RBPJ: variants seen among roughly 807,000 people sequenced by gnomAD.
RBPJ encodes recombination signal binding protein for immunoglobulin kappa J region, also known as recombining binding protein suppressor of hairless.
A neutral mutation model predicts 67.8 loss-of-function variants in RBPJ; 9 were observed. The ratio of observed to expected loss-of-function variants is 0.13; its 90% CI spans 0.08 to 0.23. The LOEUF (loss-of-function observed/expected upper bound fraction) is 0.23. Among genes scored for constraint, RBPJ ranks in the 10% least tolerant of loss-of-function variants. The pLI is 1.00. For missense variants in RBPJ, 305 were observed against 595.6 expected (o/e 0.51, Z 5.08); for synonymous variants, 198 against 203.3 (o/e 0.97, Z 0.22).
intron 1 of RBPJ, among the ~76,000 whole-genome samples, chr4:26,291,943 C>A (rs1396702448): frequency 6.6e-6 from 1 of 150,654 alleles, no homozygotes; most frequent in Non-Finnish European, 1.5e-5. Flanking sequence ...GTATACTTGA[C>A]AAATAAAACC....
At chr4:26,244,099 C>T (rs1719740510) in intron 1 of RBPJ, among the ~76,000 whole-genome samples, 1 of 137,020 alleles carries the variant, frequency 7.3e-6, no homozygotes, top group Admixed American at 7.3e-5. Context: ...GACCCTGTCT[C>T]AAAAAAAAAG....
In RBPJ at chr4:26,431,101, G is replaced by T; in HGVS notation, c.*94G>T. 8.7e-7 allele frequency: 1 copy of T among 1,147,462 alleles called. No homozygotes were observed. Among genetic ancestry groups the T allele is most frequent in the African/African-American group, 1.6e-5 (1 of 61,780 alleles). 71.1% of individuals were successfully genotyped at this position (1,147,462 alleles called of 1,614,324 possible). ...ATGAACAATCGTTTGTGGTTTCTTGGGAAAACTTTTCATACCAGGTGATAC... is the reference window on the plus strand; with the variant it reads ...ATGAACAATCGTTTGTGGTTTCTTGTGAAAACTTTTCATACCAGGTGATAC... On this transcript the variant is annotated 3_prime_UTR_variant, in exon 11 of 11. Transcript: ENST00000355476.
intron 1 of RBPJ, among the ~76,000 whole-genome samples, chr4:26,234,557 T>G (rs1024749776): frequency 1.3e-5 from 2 of 152,226 alleles, no homozygotes; most frequent in Non-Finnish European, 2.9e-5. Context: ...AGAACTTCCC[T>G]GGCCACTCTC....
At chr4:26,111,367 G>A in the RBPJ span, among the ~76,000 whole-genome samples, 1 of 152,088 alleles carries the variant, frequency 6.6e-6, no homozygotes, top group African/African-American at 2.4e-5. Flanking sequence ...TCTATATAGT[G>A]GGCACAGAAA....
intron 1 of RBPJ, among the ~76,000 whole-genome samples, chr4:26,221,264 G>T (rs1282587644): frequency 6.6e-6 from 1 of 152,054 alleles, no homozygotes; most frequent in East Asian, 1.9e-4. Context: ...CTAATTTTTT[G>T]TATTTTTAGT....
intron 1 of RBPJ, among the ~76,000 whole-genome samples, chr4:26,210,752 CTTCTTTCTTTCTTTCT>C (rs762128862): frequency 1.1e-4 from 5 of 47,334 alleles, no homozygotes; most frequent in Admixed American, 8.1e-4. Context: ...TCCTTCTTTC[CTTCTTTCTTTCTTTCT>C]TTCTTTCTTT....
intron 1 of RBPJ, among the ~76,000 whole-genome samples, chr4:26,279,883 G>T (rs10019683): frequency 6.6e-6 from 1 of 150,938 alleles, no homozygotes; most frequent in African/African-American, 2.4e-5. Flanking sequence ...GACTTCTTGG[G>T]CTCAACCAAT....
At chr4:26,143,064 A>G in the RBPJ span, among the ~76,000 whole-genome samples, 1 of 152,230 alleles carries the variant, frequency 6.6e-6, no homozygotes, top group African/African-American at 2.4e-5. Flanking sequence ...TTATAGGCGT[A>G]GCATTTCACT....
intron 1 of RBPJ, among the ~76,000 whole-genome samples, chr4:26,359,467 G>C (rs906005144): frequency 7.0e-6 from 1 of 142,464 alleles, no homozygotes; most frequent in African/African-American, 2.6e-5. Context: ...TGGAGCGGCT[G>C]TGTGTCCAGT....
the RBPJ span, among the ~76,000 whole-genome samples, chr4:26,131,762 T>C: frequency 6.6e-6 from 1 of 152,222 alleles, no homozygotes; most frequent in Non-Finnish European, 1.5e-5. Flanking sequence ...CCAGTGAAAC[T>C]GACTTCAGAC....
intron 1 of RBPJ, among the ~76,000 whole-genome samples, chr4:26,169,419 C>T (rs1043831741): frequency 6.6e-6 from 1 of 152,206 alleles, no homozygotes; most frequent in East Asian, 1.9e-4. Flanking sequence ...GCTGTCTGAT[C>T]GTTCCTCTGG....
intron 1 of RBPJ, among the ~76,000 whole-genome samples, chr4:26,206,172 A>G (rs1251001614): frequency 6.6e-6 from 1 of 152,192 alleles, no homozygotes; most frequent in African/African-American, 2.4e-5. Flanking sequence ...GATTTCGAAC[A>G]TTCTAATGTA....
chr4:26,121,886 T>C, the RBPJ span, among the ~76,000 whole-genome samples: 2 of 149,902 alleles, frequency 1.3e-5, no homozygotes, highest in African/African-American at 4.9e-5. Context: ...TTTTTTTTTT[T>C]TTTTTTTTTG....
At chr4:26,408,454 A>G (rs757770626) in intron 3 of RBPJ, among the ~76,000 whole-genome samples, 2 of 151,926 alleles carry the variant, frequency 1.3e-5, no homozygotes, top group Admixed American at 6.6e-5. Flanking sequence ...CATAAATAAA[A>G]TTTAGTGTGT....
rs901432826 is a variant in RBPJ, at chr4:26,433,883, A to G, written c.*2876A>G. The G allele has an allele frequency of 1.3e-5, 2 of 152,176 alleles. No homozygotes were observed. Among genetic ancestry groups the G allele is most frequent in the Non-Finnish European group, 2.9e-5 (2 of 68,036 alleles). The allele number at this position is 152,176 out of a possible 1,614,324, so 9.4% of individuals were successfully genotyped here. ...ACATGCTGGTCATTTACCCTCAGAA[A>G]GACTCTCTTATTAGAATGGTGAGTG... is the stretch of plus-strand genomic sequence containing the variant. On this transcript the variant is annotated 3_prime_UTR_variant, in exon 11 of 11. Transcript: ENST00000355476.
chr4:26,138,087 ACC>A, the RBPJ span, among the ~76,000 whole-genome samples: 1 of 141,472 alleles, frequency 7.1e-6, no homozygotes, highest in Non-Finnish European at 1.6e-5. Context: ...ATAAGTTGAG[ACC>A]CTGGAACTGC....
intron 1 of RBPJ, among the ~76,000 whole-genome samples, chr4:26,174,248 C>G (rs1296168808): frequency 6.6e-6 from 1 of 152,152 alleles, no homozygotes; most frequent in Admixed American, 6.6e-5. Flanking sequence ...TTACCTAAGT[C>G]TGCTTCCTTA....
chr4:26,154,571 A>G, the RBPJ span, among the ~76,000 whole-genome samples: 2 of 152,216 alleles, frequency 1.3e-5, no homozygotes, highest in African/African-American at 4.8e-5. Context: ...ATCTGTTCTC[A>G]GGAACATGGT....
chr4:26,263,238 G>C (rs1050627081), intron 1 of RBPJ, among the ~76,000 whole-genome samples: 9 of 152,134 alleles, frequency 5.9e-5, no homozygotes, highest in Non-Finnish European at 1.3e-4. Flanking sequence ...CTACCGTCCA[G>C]GTTGTCAGAG....
Sources: gnomAD v4.1 joint callset for allele counts (sites outside exome capture counted in the v4.1 genomes callset) on GRCh38, gnomAD v4.1.1 for gene constraint, MANE v1.5 for transcripts, NCBI Gene and HGNC (gene_info 2026-07-23, HGNC 2026-07-21) for gene names.